Variants in TAB3 observed in about 807,000 individuals in gnomAD.
TAB3 encodes the protein TGF-beta-activated kinase 1 and MAP3K7-binding protein 3.
In TAB3, 18 loss-of-function variants were observed where a neutral mutation model predicts 48.1. That is an observed-to-expected ratio of 0.37 (90% CI 0.26 to 0.55). The LOEUF (loss-of-function observed/expected upper bound fraction) is 0.55, where lower values mean the gene tolerates loss of function less well. TAB3 is among the 20% of genes least tolerant of loss of function. The probability of loss-of-function intolerance (pLI) is 0.78; values close to 1 mark genes in which losing one functional copy is unlikely to be tolerated. For synonymous variants in TAB3, 185 were observed against 190.2 expected, an observed-to-expected ratio of 0.97 and a Z score of 0.22; for missense variants, 414 against 549.8, an observed-to-expected ratio of 0.75 and a Z score of 2.47.
At chrX:30,867,953 G>A (rs769666013) in intron 2 of TAB3, among the ~76,000 whole-genome samples, 2 of 103,887 alleles carry the variant, frequency 1.9e-5, no homozygotes, top group East Asian at 6.0e-4. Flanking sequence ...CTAGAGTATA[G>A]TGGCAAACTC....
intron 4 of TAB3, among the ~76,000 whole-genome samples, chrX:30,859,921 A>AT (rs200706267): frequency 9.2e-6 from 1 of 108,351 alleles, no homozygotes; most frequent in African/African-American, 3.4e-5. Flanking sequence ...GGTCTCACCT[A>AT]TTTAAAAAAA....
At chrX:30,850,778 CT>C (rs1469971991) in intron 7 of TAB3, among the ~76,000 whole-genome samples, 3 of 95,129 alleles carry the variant, frequency 3.2e-5, no homozygotes, top group African/African-American at 1.1e-4. Context: ...AAATCTGGGG[CT>C]TTTTTCTTTT....
intron 4 of TAB3, among the ~76,000 whole-genome samples, chrX:30,863,012 T>G (rs1191968389): frequency 8.9e-6 from 1 of 112,745 alleles, no homozygotes; most frequent in Non-Finnish European, 1.9e-5. Flanking sequence ...ATAAATACTT[T>G]CCTTTGAAGA....
At chrX:30,855,583 A>G in intron 5 of TAB3, 21 bp from the exon 6 acceptor site, 1 of 1,161,230 alleles carries the variant, frequency 8.6e-7, no homozygotes, top group Non-Finnish European at 1.1e-6. Context: ...AAAATGGTAA[A>G]AGTAACATTG....
At chrX:30,887,276 T>A (rs1940159783) in intron 1 of TAB3, among the ~76,000 whole-genome samples, 1 of 112,258 alleles carries the variant, frequency 8.9e-6, no homozygotes, top group African/African-American at 3.2e-5. Flanking sequence ...GAATTTCAGA[T>A]AGGTCACTAC....
In TAB3 at chrX:30,855,000, T is replaced by C. The variant is rs761429855; in HGVS notation, c.665A>G (p.Asn222Ser). Residue 222 changes from asparagine (N) to serine (S), a missense_variant, in exon 6 of 11, where the codon AAT becomes AGT. By Grantham distance (46) the Asn-to-Ser change is conservative. Coordinates refer to ENST00000288422, the MANE Select transcript of TAB3 (RefSeq NM_152787.5). The stretch of plus-strand genomic sequence containing the variant: ...AATAGAACCAGGAGACCCATAGAGA[T>C]TGCTTGGAATTTGTGGAAGAATTTG... ...ALQILPQIPS[N>S]LYGSPGSIYI... is the part of the protein sequence containing the mutation. The C allele has an allele frequency of 7.4e-6, 9 of 1,209,103 alleles. No homozygotes were observed. The Admixed American group carries it at 2.0e-4, about 26-fold the overall frequency.
intron 7 of TAB3, among the ~76,000 whole-genome samples, chrX:30,850,573 G>A (rs897847803): frequency 8.2e-5 from 9 of 109,197 alleles, no homozygotes; most frequent in South Asian, 8.0e-4. Flanking sequence ...TTAGCCAGGC[G>A]TGGTGGCACA....
At chrX:30,846,774 C>A in intron 7 of TAB3, 130 bp from the exon 8 acceptor site, 1 of 412,158 alleles carries the variant, frequency 2.4e-6, no homozygotes, top group Non-Finnish European at 4.2e-6. Flanking sequence ...CATAAGAGGG[C>A]ATGTTTAAGA....
Position 30,854,621 on chromosome X carries a change from T to C in TAB3, c.1044A>G (p.Val348=), listed in dbSNP as rs771874444. The part of the protein sequence containing the change: ...PSYQKQGSHS[V]AYLPYTASSL... ...TAGATGCTGTGTATGGAAGATAGGC[T>C]ACTGAATGGCTTCCCTGTTTCTGAT... is the stretch of plus-strand genomic sequence containing the variant. The change falls in exon 6 of 11, where the codon GTA becomes GTG. Residue 348 remains valine, a synonymous_variant. Coordinates refer to ENST00000288422, the MANE Select transcript of TAB3 (RefSeq NM_152787.5). 13 of 1,209,644 alleles carry C rather than the reference T, an allele frequency of 1.1e-5. No homozygotes were observed. The East Asian group carries it at 3.8e-4, about 36-fold the overall frequency.
In TAB3 at chrX:30,868,301, A is replaced by ATATATATATATATATATATAAGCTTT. The variant is rs1157566847; in HGVS notation, c.-279-753_-279-752insAAAGCTTATATATATATATATATATA. Among the ~76,000 whole-genome samples the ATATATATATATATATATATAAGCTTT allele has an allele frequency of 6.8e-3, 45 of 6,610 alleles. 14 individuals carry two copies. The African/African-American group carries it at 0.1, about 15-fold the overall frequency. The allele number at this position is 6,610 out of a possible 115,157, so 5.7% of individuals were successfully genotyped here. A position where few individuals can be genotyped will look rare whatever the true frequency, so the allele number is the denominator to read the frequency against. On this transcript the variant is annotated intron_variant, in intron 2 of 10. Transcript: ENST00000288422. ...GTTTAGTTCTGTTTAGTGAAAAGCTATATATATATATAGCTTATATATATA... is the reference window on the plus strand; with the variant it reads ...GTTTAGTTCTGTTTAGTGAAAAGCTATATATATATATATATATATAAGCTTTTATATATATATAGCTTATATATATA...
chrX:30,867,724 CT>C (rs1288561538), intron 2 of TAB3, among the ~76,000 whole-genome samples, 175 bp from the exon 3 acceptor site: 1 of 111,123 alleles, frequency 9.0e-6, no homozygotes, highest in African/African-American at 3.3e-5. Flanking sequence ...ATCTTCTTTT[CT>C]TTTAGGTCAG....
chrX:30,862,330 C>T, intron 4 of TAB3, among the ~76,000 whole-genome samples: 1 of 112,272 alleles, frequency 8.9e-6, no homozygotes, highest in Middle Eastern at 4.6e-3. Flanking sequence ...CAATAAAGAG[C>T]TTCTGAAGCA....
intron 4 of TAB3, among the ~76,000 whole-genome samples, chrX:30,861,820 C>T (rs1354198354): frequency 8.9e-6 from 1 of 111,862 alleles, no homozygotes; most frequent in Non-Finnish European, 1.9e-5. Context: ...AACATTTAAC[C>T]CATGTCAAAA....
chrX:30,840,605 TAGTA>T (rs1352380291), intron 9 of TAB3, among the ~76,000 whole-genome samples: 1 of 111,245 alleles, frequency 9.0e-6, no homozygotes, highest in African/African-American at 3.3e-5. Flanking sequence ...GGTCTTGTGA[TAGTA>T]AGTCTCACGA....
intron 10 of TAB3, 50 bp from the exon 11 acceptor site, chrX:30,831,625 T>G: frequency 8.8e-7 from 1 of 1,142,075 alleles, no homozygotes; most frequent in Non-Finnish European, 1.2e-6. Flanking sequence ...TAGATTAACC[T>G]TTTTCCAAGT....
chrX:30,851,428 T>C (rs1938844756), intron 7 of TAB3, among the ~76,000 whole-genome samples: 1 of 111,980 alleles, frequency 8.9e-6, no homozygotes, highest in Admixed American at 9.5e-5. Context: ...CTTCAAGCCT[T>C]CATTACCTTA....
intron 1 of TAB3, among the ~76,000 whole-genome samples, chrX:30,882,149 G>A (rs1166065145): frequency 9.0e-6 from 1 of 111,271 alleles, no homozygotes; most frequent in African/African-American, 3.3e-5. Flanking sequence ...TGTTACATAT[G>A]GTATCCCTGA....
rs1186906607 is a variant in TAB3 at position 30,830,911 on chromosome X, T to TCCCCC, written c.*515_*516insGGGGG. 1 of 28,120 alleles carries TCCCCC rather than the reference T, an allele frequency of 3.6e-5. No individual in the cohort carries two copies. Among genetic ancestry groups the TCCCCC allele is most frequent in the Non-Finnish European group, 7.9e-5 (1 of 12,657 alleles). The allele number at this position is 28,120 out of a possible 1,213,427, so 2.3% of individuals were successfully genotyped here. A position where few individuals can be genotyped will look rare whatever the true frequency, so the allele number is the denominator to read the frequency against. ...CAATTACAAATACCCTTAATTAATT[T>TCCCCC]GCCCCCCCCCCCCAAATATTCTAGG... On this transcript the variant is annotated 3_prime_UTR_variant, in exon 11 of 11. Transcript: ENST00000288422.
chrX:30,877,956 G>C (rs1048636219), intron 1 of TAB3, among the ~76,000 whole-genome samples: 2 of 112,150 alleles, frequency 1.8e-5, no homozygotes, highest in African/African-American at 6.5e-5. Context: ...AATAAAGATG[G>C]TATTGCTCTA....
Sources: gnomAD v4.1 joint callset for allele counts (sites outside exome capture counted in the v4.1 genomes callset) on GRCh38, gnomAD v4.1.1 for gene constraint, MANE v1.5 for transcripts, NCBI Gene and HGNC (gene_info 2026-07-23, HGNC 2026-07-21) for gene names.